Variants in VPS37C observed in about 807,000 individuals in gnomAD.
VPS37C encodes vacuolar protein sorting-associated protein 37C.
In VPS37C, 9 loss-of-function variants were observed where a neutral mutation model predicts 16.1. The ratio of observed to expected loss-of-function variants is 0.56; its 90% CI spans 0.34 to 0.97. VPS37C has a LOEUF of 0.97. Among genes scored for constraint, VPS37C ranks in the 50% least tolerant of loss-of-function variants. The pLI is 0.02. For missense variants in VPS37C, 479 were observed against 472.7 expected, an observed-to-expected ratio of 1.01 and a Z score of -0.12; for synonymous variants, 207 against 206.4, an observed-to-expected ratio of 1.00 and a Z score of -0.02.
intron 1 of VPS37C, among the ~76,000 whole-genome samples, chr11:61,154,282 T>TTTTTTGCC (rs1853346512): frequency 3.3e-5 from 5 of 152,032 alleles, no homozygotes; most frequent in Admixed American, 1.3e-4. Context: ...GATAATGGAA[T>TTTTTTGCC]TAGTAGGCAA....
intron 4 of VPS37C, 165 bp downstream of exon 4, chr11:61,133,090 T>A: frequency 1.3e-6 from 1 of 774,690 alleles, no homozygotes; most frequent in Non-Finnish European, 2.2e-6. Flanking sequence ...TCCTGTTATT[T>A]ATACCCAAAA....
At chr11:61,143,193 C>A (rs2134640693) in intron 1 of VPS37C, among the ~76,000 whole-genome samples, 1 of 151,758 alleles carries the variant, frequency 6.6e-6, no homozygotes, top group South Asian at 2.1e-4. Flanking sequence ...CAATATCACC[C>A]CCACCTCACA....
chr11:61,136,426 G>A (rs187008219), intron 2 of VPS37C, among the ~76,000 whole-genome samples: 2 of 151,970 alleles, frequency 1.3e-5, no homozygotes, highest in Non-Finnish European at 1.5e-5. Context: ...CACCCACCTC[G>A]GCCTCCCAAA....
intron 3 of VPS37C, among the ~76,000 whole-genome samples, chr11:61,133,560 G>A (rs932271731): frequency 6.6e-6 from 1 of 152,150 alleles, no homozygotes; most frequent in African/African-American, 2.4e-5. Flanking sequence ...CCTACCCTAC[G>A]CCATCCTGGG....
At chr11:61,139,682 G>A (rs1337764682) in intron 1 of VPS37C, among the ~76,000 whole-genome samples, 1 of 151,934 alleles carries the variant, frequency 6.6e-6, no homozygotes, top group Non-Finnish European at 1.5e-5. Flanking sequence ...CTTCCTTTCT[G>A]CTGACAGGGT....
intron 1 of VPS37C, among the ~76,000 whole-genome samples, chr11:61,154,308 T>C (rs192534300): frequency 1.5e-3 from 226 of 152,264 alleles, no homozygotes; most frequent in African/African-American, 5.1e-3. Flanking sequence ...TTAAAACAGT[T>C]CCTAAAACTA....
chr11:61,143,858 C>T (rs1861514512), intron 1 of VPS37C: 2 of 152,124 alleles, frequency 1.3e-5, no homozygotes, highest in Admixed American at 1.3e-4. Flanking sequence ...CAGAGTTTCT[C>T]CATGTTGGTC....
intron 1 of VPS37C, among the ~76,000 whole-genome samples, chr11:61,159,594 A>G (rs1452587918): frequency 6.6e-6 from 1 of 152,052 alleles, no homozygotes; most frequent in Non-Finnish European, 1.5e-5. Flanking sequence ...CAGGAGTTCG[A>G]GACCAGCCTG....
rs1274837736 is a variant in VPS37C, at chr11:61,131,874, G to A, written c.1014C>T (p.Pro338=). The change falls in exon 5 of 5, where the codon CCC becomes CCT. Residue 338 remains proline, a synonymous_variant. Transcript: ENST00000301765. ...VPLQPPYPPG[P]APPYGFPPPP... ...GTGGTGGGAACCCATAGGGAGGGGCGGGCCCGGGGGGATAAGGGGGCTGCA... is the reference window on the plus strand; with the variant it reads ...GTGGTGGGAACCCATAGGGAGGGGCAGGCCCGGGGGGATAAGGGGGCTGCA... 4.7e-5 allele frequency: 59 copies of A among 1,266,464 alleles called. No individual in the cohort carries two copies. The highest frequency in any genetic ancestry group is 1.9e-4 in the East Asian group (6 of 31,882). 78.5% of individuals were successfully genotyped at this position (1,266,464 alleles called of 1,614,324 possible).
At position 61,133,169 on chromosome 11, in the gene VPS37C, C is replaced by G. The variant is rs760072242; in HGVS notation, c.348+86G>C. 6.3e-6 allele frequency: 9 copies of G among 1,424,402 alleles called. 1 individual carries two copies. The East Asian group carries it at 1.4e-4, about 22-fold the overall frequency. The allele number at this position is 1,424,402 out of a possible 1,614,324, so 88.2% of individuals were successfully genotyped here. ...GAAAGCTCCCTTGTTCCATGCTTTG[C>G]AGACATCTGCTTCTCCTTCCAAGGG... On this transcript the variant is annotated intron_variant, in intron 4 of 4. Coordinates refer to ENST00000301765, the MANE Select transcript of VPS37C (RefSeq NM_017966.5).
intron 1 of VPS37C, among the ~76,000 whole-genome samples, chr11:61,140,584 C>G (rs1358805540): frequency 6.6e-6 from 1 of 152,226 alleles, no homozygotes; most frequent in Non-Finnish European, 1.5e-5. Flanking sequence ...GCCAGCCCCT[C>G]CCACAGAGCT....
chr11:61,149,478 A>G (rs1282717803), intron 1 of VPS37C, among the ~76,000 whole-genome samples: 2 of 152,176 alleles, frequency 1.3e-5, no homozygotes, highest in African/African-American at 2.4e-5. Context: ...AATGAGAATT[A>G]AACAAGACCA....
intron 1 of VPS37C, among the ~76,000 whole-genome samples, chr11:61,142,961 A>G (rs1190298030): frequency 1.3e-5 from 2 of 149,170 alleles, no homozygotes; most frequent in African/African-American, 5.0e-5. Flanking sequence ...TAATAAAAAA[A>G]AAAAAAGAAT....
intron 1 of VPS37C, among the ~76,000 whole-genome samples, chr11:61,158,902 T>A (rs1853420560): frequency 6.6e-6 from 1 of 152,220 alleles, no homozygotes; most frequent in South Asian, 2.1e-4. Flanking sequence ...CCTCAGACAG[T>A]GCTGCCATTA....
rs1861266622 is a variant in VPS37C at position 61,131,872 on chromosome 11, G to GA, written c.1015_1016insT (p.Ala339ValfsTer113). On this transcript the variant is annotated frameshift_variant, in exon 5 of 5. Transcript: ENST00000301765. LOFTEE classifies it high-confidence loss of function. Reference sequence around the variant, plus strand: ...CGGTGGTGGGAACCCATAGGGAGGGGCGGGCCCGGGGGGATAAGGGGGCTG... The same window carrying GA: ...CGGTGGTGGGAACCCATAGGGAGGGGACGGGCCCGGGGGGATAAGGGGGCTG... 8 of 1,266,988 alleles carry GA rather than the reference G, an allele frequency of 6.3e-6. No individual in the cohort carries two copies. The South Asian group carries it at 2.5e-4, about 39-fold the overall frequency. 78.5% of individuals were successfully genotyped at this position (1,266,988 alleles called of 1,614,324 possible).
At chr11:61,157,992 G>T (rs1178040436) in intron 1 of VPS37C, among the ~76,000 whole-genome samples, 6 of 152,186 alleles carry the variant, frequency 3.9e-5, no homozygotes, top group Non-Finnish European at 5.9e-5. Context: ...CTTCTGAGAC[G>T]AGTAAAAGCT....
At chr11:61,150,390 G>A (rs1418690017) in intron 1 of VPS37C, among the ~76,000 whole-genome samples, 1 of 152,026 alleles carries the variant, frequency 6.6e-6, no homozygotes, top group African/African-American at 2.4e-5. Context: ...GCTTCCCTAA[G>A]GCTGGCTGTC....
intron 1 of VPS37C, chr11:61,145,406 T>C (rs905678420): frequency 1.3e-5 from 2 of 152,166 alleles, no homozygotes; most frequent in African/African-American, 4.8e-5. Flanking sequence ...TGCCTCCGGG[T>C]TGGGGACGCC....
Position 61,153,684 on chromosome 11 carries a change from C to T in VPS37C, c.-7+7707G>A, listed in dbSNP as rs868756662. Among the ~76,000 whole-genome samples, 8 of 152,332 alleles carry T rather than the reference C, an allele frequency of 5.3e-5. 1 individual carries two copies. The highest frequency in any genetic ancestry group is 4.1e-4 in the South Asian group (2 of 4,826). On this transcript the variant is annotated intron_variant, in intron 1 of 4. Transcript: ENST00000301765. ...ACAACCAAGGTGAGTGCTATAGCTG[C>T]TCCAAGTTACTCCTAGAGGGACTCC... is the stretch of plus-strand genomic sequence containing the variant.
Sources: gnomAD v4.1 joint callset for allele counts (sites outside exome capture counted in the v4.1 genomes callset) on GRCh38, gnomAD v4.1.1 for gene constraint, MANE v1.5 for transcripts, NCBI Gene and HGNC (gene_info 2026-07-23, HGNC 2026-07-21) for gene names.